Variants in CNTNAP5 observed in about 807,000 individuals in gnomAD.
The protein encoded by CNTNAP5 is contactin associated protein family member 5, also known as contactin-associated protein-like 5.
A neutral mutation model predicts 150.2 loss-of-function variants in CNTNAP5; 72 were observed. That is an observed-to-expected ratio of 0.48 (90% confidence interval 0.40 to 0.58). The LOEUF is 0.58. Among genes scored for constraint, CNTNAP5 ranks in the 20% least tolerant of loss-of-function variants. The probability of loss-of-function intolerance (pLI) is 0.00; values close to 1 mark genes in which losing one functional copy is unlikely to be tolerated. For missense variants in CNTNAP5, 1,636 were observed against 1,626.2 expected (o/e 1.01, Z -0.10); for synonymous variants, 672 against 619.8 (o/e 1.08, Z -1.25).
At chr2:124,460,065 C>G (rs1012743502) in intron 6 of CNTNAP5, among the ~76,000 whole-genome samples, 11 of 152,092 alleles carry the variant, frequency 7.2e-5, no homozygotes, top group African/African-American at 2.7e-4. Flanking sequence ...CCTATATGTT[C>G]TGATACAGAA....
chr2:124,647,672 G>T (rs565311518), intron 12 of CNTNAP5, 86 bp from the exon 13 acceptor site: 6 of 1,238,162 alleles, frequency 4.8e-6, no homozygotes, highest in Non-Finnish European at 6.7e-6. Context: ...AATGTTGCAC[G>T]CTGAGTGGCC....
chr2:124,035,938 G>C (rs144009804), intron 1 of CNTNAP5, among the ~76,000 whole-genome samples: 6 of 37,266 alleles, frequency 1.6e-4, no homozygotes, highest in Admixed American at 3.8e-4. Flanking sequence ...TTTTTTTTGA[G>C]ACGGAGTCTC....
At chr2:124,037,608 A>G (rs893326935) in intron 1 of CNTNAP5, among the ~76,000 whole-genome samples, 3 of 152,078 alleles carry the variant, frequency 2.0e-5, no homozygotes, top group Non-Finnish European at 4.4e-5. Context: ...ACACAAACTC[A>G]CTTATATGTG....
intron 13 of CNTNAP5, among the ~76,000 whole-genome samples, chr2:124,674,539 C>CTT (rs57490462): frequency 7.7e-6 from 1 of 130,334 alleles, no homozygotes; most frequent in East Asian, 2.4e-4. Context: ...TTCTTTCTTT[C>CTT]TTTCTTTCTT....
chr2:124,349,785 T>A (rs1689827179), intron 3 of CNTNAP5, among the ~76,000 whole-genome samples: 1 of 151,414 alleles, frequency 6.6e-6, no homozygotes, highest in South Asian at 2.1e-4. Flanking sequence ...TCAGCCCTTT[T>A]TTAAATCATT....
At chr2:124,442,834 TA>T (rs1237320921) in intron 5 of CNTNAP5, among the ~76,000 whole-genome samples, 2 of 152,046 alleles carry the variant, frequency 1.3e-5, no homozygotes, top group East Asian at 1.9e-4. Context: ...GAAAAGGAAA[TA>T]AAAATAAAAA....
intron 2 of CNTNAP5, among the ~76,000 whole-genome samples, chr2:124,240,231 T>A (rs1271376551): frequency 2.6e-5 from 4 of 152,206 alleles, no homozygotes; most frequent in Admixed American, 6.5e-5. Flanking sequence ...TAGCTCTCAT[T>A]CATCTACTAG....
intron 3 of CNTNAP5, among the ~76,000 whole-genome samples, chr2:124,311,160 A>G (rs1162548656): frequency 3.9e-5 from 6 of 152,030 alleles, no homozygotes; most frequent in Admixed American, 3.9e-4. Context: ...TTTTTTCTAG[A>G]CTATTTCTAA....
intron 1 of CNTNAP5, among the ~76,000 whole-genome samples, chr2:124,173,275 C>T (rs950702904): frequency 6.6e-6 from 1 of 152,164 alleles, no homozygotes; most frequent in Non-Finnish European, 1.5e-5. Context: ...ATGCAATAGC[C>T]TCTCAGTACT....
chr2:124,501,096 A>G (rs1694269781), intron 7 of CNTNAP5, among the ~76,000 whole-genome samples: 1 of 152,192 alleles, frequency 6.6e-6, no homozygotes, highest in South Asian at 2.1e-4. Context: ...ATGGCAGCTC[A>G]CTGACTTCCT....
intron 5 of CNTNAP5, among the ~76,000 whole-genome samples, chr2:124,442,790 G>A (rs916070708): frequency 7.2e-5 from 11 of 152,010 alleles, no homozygotes; most frequent in South Asian, 2.1e-4. Context: ...TTCAAAATTC[G>A]TATCACAGGC....
At chr2:124,561,900 T>A (rs1463593209) in intron 10 of CNTNAP5, among the ~76,000 whole-genome samples, 2 of 152,174 alleles carry the variant, frequency 1.3e-5, no homozygotes, top group Non-Finnish European at 2.9e-5. Flanking sequence ...CTTCATTGCT[T>A]GCACCCTCTC....
chr2:124,064,951 C>T (rs958945660), intron 1 of CNTNAP5, among the ~76,000 whole-genome samples: 4 of 149,990 alleles, frequency 2.7e-5, no homozygotes, highest in East Asian at 2.0e-4. Context: ...TAAAGGCTCC[C>T]GTGACCCCTC....
chr2:124,502,169 G>A (rs1253075691), intron 7 of CNTNAP5, among the ~76,000 whole-genome samples: 2 of 152,150 alleles, frequency 1.3e-5, no homozygotes, highest in Non-Finnish European at 2.9e-5. Flanking sequence ...TTTATTTAAA[G>A]CCCTTGCTCT....
chr2:124,025,780 C>G, intron 1 of CNTNAP5, 48 bp downstream of exon 1: 1 of 1,429,938 alleles, frequency 7.0e-7, no homozygotes, highest in South Asian at 1.1e-5. Context: ...AAAACGATCG[C>G]ATTCAGAAAG....
At chr2:124,589,862 G>C (rs957761070) in intron 11 of CNTNAP5, among the ~76,000 whole-genome samples, 1 of 152,166 alleles carries the variant, frequency 6.6e-6, no homozygotes, top group Admixed American at 6.5e-5. Flanking sequence ...GATTCCTCCT[G>C]CTATCCTTGC....
intron 17 of CNTNAP5, among the ~76,000 whole-genome samples, chr2:124,789,660 G>A (rs1450346665): frequency 6.6e-6 from 1 of 152,010 alleles, no homozygotes; most frequent in East Asian, 1.9e-4. Flanking sequence ...GGGGTATTTG[G>A]TTTTCTGTTC....
chr2:124,875,738 G>A (rs1210996228), intron 21 of CNTNAP5, among the ~76,000 whole-genome samples: 3 of 133,406 alleles, frequency 2.2e-5, no homozygotes, highest in African/African-American at 8.4e-5. Context: ...TTGTTAATGT[G>A]TCTGTCAAGG....
chr2:124,191,033 C>T (rs866903470), intron 1 of CNTNAP5, among the ~76,000 whole-genome samples: 3 of 152,232 alleles, frequency 2.0e-5, no homozygotes, highest in Middle Eastern at 3.4e-3. Flanking sequence ...TTTTTTGAGA[C>T]ATATTTTATT....
Sources: allele counts gnomAD v4.1 joint callset (sites outside exome capture counted in the v4.1 genomes callset), GRCh38; gene constraint gnomAD v4.1.1; transcripts MANE v1.5; gene names NCBI Gene and HGNC (gene_info 2026-07-23, HGNC 2026-07-21).